MGAT4C: variants seen among roughly 807,000 people sequenced by gnomAD.
MGAT4C encodes the protein MGAT4 family member C.
MGAT4C carries 19 observed loss-of-function variants against 40.1 expected under a neutral mutation model. The observed-to-expected ratio is 0.47, with a 90% CI of 0.33 to 0.70. The LOEUF (loss-of-function observed/expected upper bound fraction) is 0.70. Ranked by LOEUF, MGAT4C falls within the 30% of genes least tolerant of loss-of-function variation. The pLI is 0.02. For synonymous variants in MGAT4C, 181 were observed against 187.1 expected (o/e 0.97, Z 0.27); for missense variants, 491 against 563.2 (o/e 0.87, Z 1.30).
intron 3 of MGAT4C, among the ~76,000 whole-genome samples, chr12:86,401,567 A>C (rs1465843990): frequency 2.6e-5 from 4 of 152,122 alleles, no homozygotes; most frequent in Admixed American, 2.6e-4. Flanking sequence ...ATCTATTCCT[A>C]AAACCAGCTT....
intron 1 of MGAT4C, among the ~76,000 whole-genome samples, chr12:86,221,378 A>T (rs79822159): frequency 2.5e-4 from 38 of 152,256 alleles, no homozygotes; most frequent in African/African-American, 8.7e-4. Flanking sequence ...AAAAGGAGAT[A>T]ATATAAAGAA....
At chr12:86,299,879 T>C (rs1401154122) in intron 4 of MGAT4C, among the ~76,000 whole-genome samples, 1 of 152,152 alleles carries the variant, frequency 6.6e-6, no homozygotes, top group East Asian at 1.9e-4. Context: ...ATAAGTACTG[T>C]GTCAGAAAAT....
intron 2 of MGAT4C, among the ~76,000 whole-genome samples, chr12:86,578,498 G>C (rs1046740129): frequency 6.6e-6 from 1 of 151,640 alleles, no homozygotes; most frequent in Non-Finnish European, 1.5e-5. Flanking sequence ...ATCAGGTCCC[G>C]GGCTTTTCTT....
At chr12:86,145,486 C>T (rs1883396759) in intron 1 of MGAT4C, among the ~76,000 whole-genome samples, 1 of 152,178 alleles carries the variant, frequency 6.6e-6, no homozygotes, top group African/African-American at 2.4e-5. Flanking sequence ...TCAAACCTTT[C>T]TCCTGAATTT....
intron 2 of MGAT4C, among the ~76,000 whole-genome samples, chr12:86,594,514 G>A (rs1961455689): frequency 6.6e-6 from 1 of 152,102 alleles, no homozygotes; most frequent in Non-Finnish European, 1.5e-5. Context: ...AAATCCACTT[G>A]TTACAAAATA....
At chr12:86,101,295 T>C (rs542296199) in intron 1 of MGAT4C, among the ~76,000 whole-genome samples, 9 of 151,864 alleles carry the variant, frequency 5.9e-5, no homozygotes, top group African/African-American at 2.2e-4. Flanking sequence ...CATGTGAACA[T>C]TCATAATTTA....
intron 1 of MGAT4C, among the ~76,000 whole-genome samples, chr12:86,758,876 C>A (rs1242805562): frequency 6.6e-6 from 1 of 151,926 alleles, no homozygotes; most frequent in African/African-American, 2.4e-5. Flanking sequence ...GAACGTTTGT[C>A]ATTTATTTAT....
At chr12:86,014,276 T>G (rs1175902325) in intron 2 of MGAT4C, among the ~76,000 whole-genome samples, 3 of 152,164 alleles carry the variant, frequency 2.0e-5, no homozygotes, top group Non-Finnish European at 4.4e-5. Context: ...TTCATCACAA[T>G]TTTGAAGCAT....
chr12:86,650,140 A>G (rs1247095254), intron 2 of MGAT4C, among the ~76,000 whole-genome samples: 1 of 151,914 alleles, frequency 6.6e-6, no homozygotes, highest in Non-Finnish European at 1.5e-5. Flanking sequence ...ATATCCTCTG[A>G]CAACATTGGG....
chr12:86,182,370 T>G (rs2135870944), intron 1 of MGAT4C, among the ~76,000 whole-genome samples: 1 of 152,304 alleles, frequency 6.6e-6, no homozygotes, highest in Non-Finnish European at 1.5e-5. Context: ...ATTTGAACTC[T>G]GTATTTCAAC....
rs553793003 is a variant in MGAT4C at position 86,232,163 on chromosome 12, G to A, written c.-57+24076C>T. Among the ~76,000 whole-genome samples the A allele has an allele frequency of 4.0e-4, 59 of 148,234 alleles. No homozygotes were observed. The South Asian group carries it at 0.012, about 30-fold the overall frequency. On this transcript the variant is annotated intron_variant, in intron 1 of 4. Coordinates refer to ENST00000611864, the MANE Select transcript of MGAT4C (RefSeq NM_001351288.2). Reference sequence around the variant, plus strand: ...AAAGAAAAAAAAAAGGAGGGGGGCGGGTTGGGGGGTTAAGTAACTTACTAA... The same window carrying A: ...AAAGAAAAAAAAAAGGAGGGGGGCGAGTTGGGGGGTTAAGTAACTTACTAA...
At chr12:86,101,666 C>A (rs1875085272) in intron 1 of MGAT4C, among the ~76,000 whole-genome samples, 1 of 151,646 alleles carries the variant, frequency 6.6e-6, no homozygotes, top group Admixed American at 6.6e-5. Context: ...TGTAGGTAAC[C>A]AAAATGGTAG....
chr12:86,406,888 A>G (rs1047769067), intron 3 of MGAT4C, among the ~76,000 whole-genome samples: 1 of 152,114 alleles, frequency 6.6e-6, no homozygotes, highest in African/African-American at 2.4e-5. Context: ...GGTATCTTCC[A>G]GTTCAATTCA....
At chr12:86,210,389 A>T (rs570913352) in intron 1 of MGAT4C, among the ~76,000 whole-genome samples, 3 of 152,186 alleles carry the variant, frequency 2.0e-5, no homozygotes, top group Non-Finnish European at 4.4e-5. Flanking sequence ...ATTTCACTAT[A>T]AAAAAACTGT....
intron 2 of MGAT4C, among the ~76,000 whole-genome samples, chr12:86,523,438 C>A (rs879361456): frequency 2.6e-5 from 4 of 152,108 alleles, no homozygotes; most frequent in African/African-American, 9.7e-5. Context: ...AATTTGATCA[C>A]GCTGTGATCT....
chr12:86,163,576 A>G lies in MGAT4C; in HGVS notation c.-57+92663T>C, dbSNP rs79784476. Among the ~76,000 whole-genome samples, 798 of 152,310 alleles carry G rather than the reference A, an allele frequency of 5.2e-3. 7 individuals are homozygous for G. Among genetic ancestry groups the G allele is most frequent in the African/African-American group, 0.018 (760 of 41,566 alleles). ...AACAATGATCCTTTGACTAGAACAT[A>G]ACAGATTTTTTTTTGTTGAAGTATT... On this transcript the variant is annotated intron_variant, in intron 1 of 4. Transcript: ENST00000611864.
intron 1 of MGAT4C, among the ~76,000 whole-genome samples, chr12:86,829,923 C>T (rs1374742465): frequency 6.7e-6 from 1 of 149,528 alleles, no homozygotes; most frequent in Non-Finnish European, 1.5e-5. Flanking sequence ...ACATACATAT[C>T]GATGTTTTTT....
At chr12:86,766,065 A>G (rs945635210) in intron 1 of MGAT4C, among the ~76,000 whole-genome samples, 1 of 152,204 alleles carries the variant, frequency 6.6e-6, no homozygotes, top group Non-Finnish European at 1.5e-5. Context: ...TAAAAGACAC[A>G]GACTGGCAAA....
At chr12:86,368,405 C>G (rs1268157311) in intron 3 of MGAT4C, among the ~76,000 whole-genome samples, 3 of 151,242 alleles carry the variant, frequency 2.0e-5, no homozygotes, top group Non-Finnish European at 4.4e-5. Context: ...CTGCTTTGAT[C>G]TTTGTTATTT....
Sources: allele counts gnomAD v4.1 joint callset (sites outside exome capture counted in the v4.1 genomes callset), GRCh38; gene constraint gnomAD v4.1.1; transcripts MANE v1.5; gene names NCBI Gene and HGNC (gene_info 2026-07-23, HGNC 2026-07-21).